The following UNC13C variants were observed in gnomAD, a reference collection of about 807,000 sequenced individuals.
UNC13C encodes protein unc-13 homolog C.
UNC13C carries 174 observed loss-of-function variants against 245.4 expected under a neutral mutation model. That is an observed-to-expected ratio of 0.71 (90% CI 0.63 to 0.80). The LOEUF (loss-of-function observed/expected upper bound fraction) is 0.80. Among genes scored for constraint, UNC13C ranks in the 30% least tolerant of loss-of-function variants. The pLI is 0.00. For missense variants in UNC13C, 2,829 were observed against 2,602.9 expected, an observed-to-expected ratio of 1.09 and a Z score of -1.89; for synonymous variants, 992 against 895.1, an observed-to-expected ratio of 1.11 and a Z score of -1.93.
At chr15:54,156,259 A>G (rs1175336574) in intron 4 of UNC13C, among the ~76,000 whole-genome samples, 1 of 152,102 alleles carries the variant, frequency 6.6e-6, no homozygotes, top group Admixed American at 6.5e-5. Context: ...TTGCTTTGAG[A>G]ATTTTTACAC....
chr15:54,618,940 C>CAATTATAAACATA (rs1900625621), intron 30 of UNC13C, among the ~76,000 whole-genome samples: 2 of 152,104 alleles, frequency 1.3e-5, no homozygotes, highest in South Asian at 4.1e-4. Flanking sequence ...CTCTTACTGT[C>CAATTATAAACATA]AATTATAAAC....
At chr15:53,847,881 C>A in the UNC13C span, among the ~76,000 whole-genome samples, 1 of 152,244 alleles carries the variant, frequency 6.6e-6, no homozygotes, top group African/African-American at 2.4e-5. Context: ...GAATTTGAAC[C>A]TCTGGTGACA....
At chr15:54,061,211 A>G (rs1261844231) in intron 2 of UNC13C, among the ~76,000 whole-genome samples, 1 of 152,184 alleles carries the variant, frequency 6.6e-6, no homozygotes, top group African/African-American at 2.4e-5. Context: ...TGTAACAACT[A>G]GAAAGGATTG....
intron 2 of UNC13C, among the ~76,000 whole-genome samples, chr15:54,077,641 G>A (rs773571475): frequency 8.6e-5 from 13 of 151,750 alleles, no homozygotes; most frequent in Admixed American, 5.2e-4. Context: ...AAAGTGCTGG[G>A]ATTACAGGCA....
At chr15:53,922,483 A>C in the UNC13C span, among the ~76,000 whole-genome samples, 1 of 152,218 alleles carries the variant, frequency 6.6e-6, no homozygotes, top group African/African-American at 2.4e-5. Flanking sequence ...AACAAGAATG[A>C]ATCACAATCA....
rs1895492660 is a variant in UNC13C, at chr15:54,013,664, G to A, written c.761G>A (p.Ser254Asn). ...ATCTTTAAGGAACTTCAGGGAATAA[G>A]TCAGATTGAAACAGAACTTTCTGAA... ...EMIFKELQGI[S>N]QIETELSELR... is the part of the protein sequence containing the mutation. The change falls in exon 2 of 33, where the codon AGT becomes AAT. Residue 254 changes from serine (S) to asparagine (N), a missense_variant. Coordinates refer to ENST00000260323, the MANE Select transcript of UNC13C (RefSeq NM_001080534.3). The A allele has an allele frequency of 1.2e-6, 2 of 1,613,838 alleles. No homozygotes were observed. Among genetic ancestry groups the A allele is most frequent in the Non-Finnish European group, 1.7e-6 (2 of 1,179,836 alleles).
At chr15:54,276,584 C>T (rs557516312) in intron 10 of UNC13C, among the ~76,000 whole-genome samples, 2 of 152,168 alleles carry the variant, frequency 1.3e-5, no homozygotes, top group Non-Finnish European at 2.9e-5. Flanking sequence ...AGAAAAATGT[C>T]TCAGACTTTT....
chr15:54,032,639 A>G (rs1896407010), intron 2 of UNC13C, among the ~76,000 whole-genome samples: 1 of 152,226 alleles, frequency 6.6e-6, no homozygotes, highest in South Asian at 2.1e-4. Flanking sequence ...TAAATCATTT[A>G]GGCCAATCCT....
chr15:54,354,413 G>C (rs1193937708), intron 17 of UNC13C, among the ~76,000 whole-genome samples: 3 of 152,086 alleles, frequency 2.0e-5, no homozygotes, highest in Admixed American at 2.0e-4. Flanking sequence ...GATTCTGTTA[G>C]CCTTATAAAA....
the UNC13C span, among the ~76,000 whole-genome samples, chr15:53,938,222 T>C: frequency 0.66 from 100,957 of 151,916 alleles, 33,772 homozygotes; most frequent in East Asian, 0.85. Context: ...AAGAGTCACA[T>C]TCCTAGTTTC....
At chr15:54,486,987 G>T (rs1026020398) in intron 19 of UNC13C, among the ~76,000 whole-genome samples, 3 of 152,142 alleles carry the variant, frequency 2.0e-5, no homozygotes, top group African/African-American at 7.2e-5. Flanking sequence ...CAATCAGAGA[G>T]TATATCTAAG....
intron 26 of UNC13C, among the ~76,000 whole-genome samples, chr15:54,539,152 T>A (rs1896128563): frequency 6.6e-6 from 1 of 152,108 alleles, no homozygotes; most frequent in Admixed American, 6.6e-5. Flanking sequence ...TAGGAAAATA[T>A]CTTCTGTATA....
chr15:54,047,824 A>G (rs1274638261), intron 2 of UNC13C, among the ~76,000 whole-genome samples: 3 of 152,192 alleles, frequency 2.0e-5, no homozygotes, highest in African/African-American at 7.2e-5. Flanking sequence ...AATTAATAAT[A>G]ACATACATTT....
intron 30 of UNC13C, among the ~76,000 whole-genome samples, chr15:54,586,820 T>G (rs547369388): frequency 1.4e-4 from 22 of 152,316 alleles, no homozygotes; most frequent in African/African-American, 5.3e-4. Context: ...ACCAGCCAGC[T>G]CCTGGTTAGC....
intron 13 of UNC13C, among the ~76,000 whole-genome samples, chr15:54,315,404 A>G (rs1401990002): frequency 6.6e-6 from 1 of 151,170 alleles, no homozygotes; most frequent in African/African-American, 2.4e-5. Context: ...AACAGTATCA[A>G]TCATCCTTTT....
chr15:54,618,358 T>A (rs1007558984), intron 30 of UNC13C, among the ~76,000 whole-genome samples: 1 of 152,166 alleles, frequency 6.6e-6, no homozygotes, highest in African/African-American at 2.4e-5. Context: ...GACACACAGA[T>A]GGTGATTTCA....
chr15:54,040,488 A>G (rs964316062), intron 2 of UNC13C, among the ~76,000 whole-genome samples: 1 of 152,134 alleles, frequency 6.6e-6, no homozygotes, highest in Non-Finnish European at 1.5e-5. Context: ...GGTGATTCTT[A>G]CACCCTAATT....
At chr15:54,099,881 A>G (rs1177231500) in intron 2 of UNC13C, among the ~76,000 whole-genome samples, 1 of 152,020 alleles carries the variant, frequency 6.6e-6, no homozygotes, top group Non-Finnish European at 1.5e-5. Flanking sequence ...GATCACTTGA[A>G]GTCAGGAGTT....
intron 30 of UNC13C, among the ~76,000 whole-genome samples, chr15:54,590,791 T>C (rs1159171366): frequency 6.6e-6 from 1 of 152,196 alleles, no homozygotes; most frequent in African/African-American, 2.4e-5. Context: ...TATTTCTTTC[T>C]CTTGTCTGAT....
Sources: allele counts gnomAD v4.1 joint callset (sites outside exome capture counted in the v4.1 genomes callset), GRCh38; gene constraint gnomAD v4.1.1; transcripts MANE v1.5; gene names NCBI Gene and HGNC (gene_info 2026-07-23, HGNC 2026-07-21).